The following CC2D2A variants were observed in gnomAD, a reference collection of about 807,000 sequenced individuals.
CC2D2A encodes coiled-coil and C2 domain-containing protein 2A.
CC2D2A carries 155 observed loss-of-function variants against 212.9 expected under a neutral mutation model. The observed-to-expected ratio is 0.73, with a 90% CI of 0.64 to 0.83. The LOEUF (loss-of-function observed/expected upper bound fraction) is 0.83, where lower values mean the gene tolerates loss of function less well. Among genes scored for constraint, CC2D2A ranks in the 40% least tolerant of loss-of-function variants. The pLI is 0.00. For synonymous variants in CC2D2A, 667 were observed against 686.5 expected, an observed-to-expected ratio of 0.97 and a Z score of 0.44; for missense variants, 1,856 against 1,956.2, an observed-to-expected ratio of 0.95 and a Z score of 0.97.
chr4:15,551,831 T>A (rs759595564), intron 18 of CC2D2A, among the ~76,000 whole-genome samples: 2 of 152,210 alleles, frequency 1.3e-5, no homozygotes, highest in Non-Finnish European at 2.9e-5. Flanking sequence ...CTCATGTGTC[T>A]GTTTTTTTAT....
intron 27 of CC2D2A, among the ~76,000 whole-genome samples, chr4:15,570,128 G>A (rs111726923): frequency 2.0e-5 from 3 of 152,288 alleles, no homozygotes; most frequent in African/African-American, 7.2e-5. Context: ...ATTGTACTAG[G>A]TGCTTTACGC....
chr4:15,548,898 A>G (rs1718852292), intron 17 of CC2D2A, among the ~76,000 whole-genome samples: 1 of 152,206 alleles, frequency 6.6e-6, no homozygotes, highest in South Asian at 2.1e-4. Flanking sequence ...GTCAATTACA[A>G]CATATGGAAT....
chr4:15,533,262 T>C lies in CC2D2A; in HGVS notation c.1536T>C (p.Val512=), dbSNP rs1182295220. 8.7e-6 allele frequency: 14 copies of C among 1,602,002 alleles called. No individual in the cohort carries two copies. Among genetic ancestry groups the C allele is most frequent in the South Asian group, 1.1e-5 (1 of 87,610 alleles). ...DRTLLKTIIK[V]WKEMKSLREF... is the part of the protein sequence containing the mutation. ...CATTGCTTAAGACTATCATAAAAGT[T>C]TGGAAAGAGATGAAATCCCTTCGAG... Residue 512 remains valine, a synonymous_variant, in exon 14 of 37, where the codon GTT becomes GTC. Transcript: ENST00000424120.
chr4:15,568,084 A>G (rs1341735992), intron 26 of CC2D2A, among the ~76,000 whole-genome samples: 1 of 152,182 alleles, frequency 6.6e-6, no homozygotes, highest in Non-Finnish European at 1.5e-5. Context: ...GACCCCAATG[A>G]CCTACACTGC....
Position 15,516,775 on chromosome 4 carries a change from C to A in CC2D2A, c.1149+19C>A, listed in dbSNP as rs755795036. 12 of 1,603,650 alleles carry A rather than the reference C, an allele frequency of 7.5e-6. No individual in the cohort carries two copies. The South Asian group carries it at 1.4e-4, about 18-fold the overall frequency. On this transcript the variant is annotated intron_variant, in intron 11 of 36. Coordinates refer to ENST00000424120, the MANE Select transcript of CC2D2A (RefSeq NM_001378615.1). ...TAAAAAGGTAGACACTCCCCTCTCT[C>A]CACTTTTATTAAATGAAATTGAAAG...
intron 4 of CC2D2A, among the ~76,000 whole-genome samples, chr4:15,484,634 A>G (rs1426695721): frequency 6.6e-6 from 1 of 152,128 alleles, no homozygotes; most frequent in Admixed American, 6.5e-5. Context: ...ACGAACAGGT[A>G]TATTTCTCGA....
rs753264367 is a variant in CC2D2A, at chr4:15,478,801, A to C, written c.118A>C (p.Lys40Gln). Residue 40 changes from lysine (K) to glutamine (Q), a missense_variant, in exon 3 of 37, where the codon AAA becomes CAA. By Grantham distance (53) the Lys-to-Gln change is moderately conservative. This residue lies in a region of CC2D2A where 1,512 missense variants were observed against 1,579.3 expected (regional missense o/e 0.96). Coordinates refer to ENST00000424120, the MANE Select transcript of CC2D2A (RefSeq NM_001378615.1). ...AAAGGTTCGAAGACAGCCAAGAAAG[A>C]AACAGGTAAGAAGTGACAAGAAACT... ...NSKVRRQPRK[K>Q]QPPTAVPKEM... The C allele has an allele frequency of 4.5e-6, 7 of 1,552,740 alleles. No homozygotes were observed. Among genetic ancestry groups the C allele is most frequent in the Admixed American group, 2.0e-5 (1 of 51,124 alleles).
At chr4:15,506,645 A>G (rs1457951385) in intron 6 of CC2D2A, among the ~76,000 whole-genome samples, 1 of 152,212 alleles carries the variant, frequency 6.6e-6, no homozygotes, top group Non-Finnish European at 1.5e-5. Context: ...AGTGCAGCAG[A>G]CAGGAATAGA....
chr4:15,506,856 G>A (rs1260376074), intron 6 of CC2D2A, among the ~76,000 whole-genome samples: 4 of 151,784 alleles, frequency 2.6e-5, no homozygotes, highest in South Asian at 2.1e-4. Flanking sequence ...GGCGGATCAC[G>A]AGGTCAGGAG....
chr4:15,540,754 C>A, intron 16 of CC2D2A, 83 bp from the exon 17 acceptor site: 1 of 1,297,262 alleles, frequency 7.7e-7, no homozygotes. Flanking sequence ...GTGTCTTGTT[C>A]TGTTCAGTTC....
At chr4:15,594,057 G>A (rs1484222715) in intron 33 of CC2D2A, among the ~76,000 whole-genome samples, 1 of 151,910 alleles carries the variant, frequency 6.6e-6, no homozygotes, top group Non-Finnish European at 1.5e-5. Flanking sequence ...CTCTGATAAT[G>A]TCACCTCTTA....
intron 11 of CC2D2A, among the ~76,000 whole-genome samples, chr4:15,523,508 C>T (rs1214879528): frequency 7.2e-5 from 11 of 152,218 alleles, no homozygotes; most frequent in Non-Finnish European, 1.5e-4. Flanking sequence ...TTCACCAAAG[C>T]ATTGTTAATC....
intron 31 of CC2D2A, among the ~76,000 whole-genome samples, chr4:15,587,018 GTGTAC>G (rs749894057): frequency 1.3e-5 from 2 of 152,172 alleles, no homozygotes; most frequent in African/African-American, 2.4e-5. Flanking sequence ...ACTAGAATTT[GTGTAC>G]TCTAGAGCAG....
intron 20 of CC2D2A, among the ~76,000 whole-genome samples, chr4:15,555,432 A>G (rs1275025011): frequency 6.6e-6 from 1 of 152,152 alleles, no homozygotes; most frequent in Admixed American, 6.5e-5. Flanking sequence ...GAGGAAATGA[A>G]CAGCTGCAGA....
At chr4:15,537,366 C>T (rs1718190060) in intron 15 of CC2D2A, among the ~76,000 whole-genome samples, 2 of 152,160 alleles carry the variant, frequency 1.3e-5, no homozygotes, top group Non-Finnish European at 2.9e-5. Flanking sequence ...ATCACTAATG[C>T]ATGTGTCCAG....
intron 13 of CC2D2A, among the ~76,000 whole-genome samples, chr4:15,531,894 A>C (rs1346213313): frequency 6.6e-6 from 1 of 152,236 alleles, no homozygotes; most frequent in East Asian, 1.9e-4. Context: ...AGCTAAAGGC[A>C]TAGGAGACGA....
chr4:15,595,944 CAAA>C, intron 33 of CC2D2A, 138 bp from the exon 34 acceptor site: 1 of 504,054 alleles, frequency 2.0e-6, no homozygotes, highest in Non-Finnish European at 3.2e-6. Context: ...TTTTTATAAT[CAAA>C]AAATGACAAA....
chr4:15,574,203 G>T lies in CC2D2A; in HGVS notation c.3648G>T (p.Lys1216Asn), dbSNP rs1229073162. Residue 1216 changes from lysine to asparagine, a missense_variant, in exon 29 of 37, where the codon AAG (lysine) becomes AAT (asparagine). Transcript: ENST00000424120. ...DIPPVLLGYS[K>N]ERNMILERGF... is the part of the protein sequence containing the mutation. ...CCCCAGTTCTTCTGGGCTACAGTAAGGAGCGAAATATGATTCTTGAGCGGG... is the reference window on the plus strand; with the variant it reads ...CCCCAGTTCTTCTGGGCTACAGTAATGAGCGAAATATGATTCTTGAGCGGG... The T allele has an allele frequency of 6.4e-7, 1 of 1,551,410 alleles. No homozygotes were observed. Among genetic ancestry groups the T allele is most frequent in the Admixed American group, 2.0e-5 (1 of 50,986 alleles).
chr4:15,598,885 C>T (rs562441094), intron 35 of CC2D2A, among the ~76,000 whole-genome samples: 2 of 152,226 alleles, frequency 1.3e-5, no homozygotes, highest in Non-Finnish European at 1.5e-5. Context: ...CATGGCCAAG[C>T]GCAGTGACTC....
Sources: allele counts gnomAD v4.1 joint callset (sites outside exome capture counted in the v4.1 genomes callset), GRCh38; gene constraint gnomAD v4.1.1; regional missense constraint gnomAD v4.1.1; transcripts MANE v1.5; gene names NCBI Gene and HGNC (gene_info 2026-07-23, HGNC 2026-07-21).